The following RANBP2 variants were observed in gnomAD, a reference collection of about 807,000 sequenced individuals.
RANBP2 encodes the protein E3 SUMO-protein ligase RanBP2.
A neutral mutation model predicts 303.6 loss-of-function variants in RANBP2; 57 were observed. The observed-to-expected ratio is 0.19, with a 90% confidence interval of 0.15 to 0.23. The LOEUF (loss-of-function observed/expected upper bound fraction) is 0.23. Ranked by LOEUF, RANBP2 falls within the 10% of genes least tolerant of loss-of-function variation. RANBP2 has a pLI of 1.00. For missense variants in RANBP2, 3,138 were observed against 3,780.8 expected, an observed-to-expected ratio of 0.83 and a Z score of 4.46; for synonymous variants, 1,167 against 1,301.5, an observed-to-expected ratio of 0.90 and a Z score of 2.23.
At chr2:109,683,741 C>A in the RANBP2 span, among the ~76,000 whole-genome samples, 1 of 152,140 alleles carries the variant, frequency 6.6e-6, no homozygotes, top group East Asian at 1.9e-4. Flanking sequence ...CCAGGCCCGG[C>A]ACTCTCCACC....
the RANBP2 span, among the ~76,000 whole-genome samples, chr2:109,395,764 C>A: frequency 6.6e-6 from 1 of 152,218 alleles, no homozygotes; most frequent in Non-Finnish European, 1.5e-5. Context: ...GTGCTTCTGG[C>A]TGCTGTGTCT....
chr2:109,605,238 A>G, the RANBP2 span, among the ~76,000 whole-genome samples: 1 of 152,110 alleles, frequency 6.6e-6, no homozygotes, highest in African/African-American at 2.4e-5. Flanking sequence ...TACTAGTATG[A>G]TCAGGCAGAT....
At chr2:109,096,483 T>C in the RANBP2 span, among the ~76,000 whole-genome samples, 1 of 152,330 alleles carries the variant, frequency 6.6e-6, no homozygotes, top group Middle Eastern at 3.4e-3. Context: ...CACAGACAAT[T>C]GTTGTCCCAT....
chr2:109,317,129 A>G, the RANBP2 span, among the ~76,000 whole-genome samples: 1 of 152,088 alleles, frequency 6.6e-6, no homozygotes, highest in South Asian at 2.1e-4. Context: ...TGGGTTTCTC[A>G]TGAAATGTTT....
the RANBP2 span, among the ~76,000 whole-genome samples, chr2:109,036,299 C>T: frequency 6.6e-6 from 1 of 152,156 alleles, no homozygotes; most frequent in Admixed American, 6.5e-5. Flanking sequence ...CACACTCTAT[C>T]TCAGAAAGTA....
chr2:108,869,051 AT>A, the RANBP2 span, among the ~76,000 whole-genome samples: 3 of 151,480 alleles, frequency 2.0e-5, no homozygotes, highest in African/African-American at 4.8e-5. Flanking sequence ...CTTGAAGAAA[AT>A]TTTTTTTTCA....
At chr2:109,195,346 G>A in the RANBP2 span, among the ~76,000 whole-genome samples, 1 of 152,212 alleles carries the variant, frequency 6.6e-6, no homozygotes, top group Non-Finnish European at 1.5e-5. Context: ...GCCAGGACAA[G>A]GGGCAAGTGA....
At chr2:109,413,584 A>C in the RANBP2 span, among the ~76,000 whole-genome samples, 1 of 152,126 alleles carries the variant, frequency 6.6e-6, no homozygotes, top group African/African-American at 2.4e-5. Context: ...AATGGAGAAC[A>C]GCTTTGTCTA....
the RANBP2 span, among the ~76,000 whole-genome samples, chr2:109,474,710 T>C: frequency 3.9e-5 from 6 of 152,186 alleles, no homozygotes; most frequent in Non-Finnish European, 7.3e-5. Context: ...TCGCAGATAC[T>C]TCACCACCAT....
At chr2:108,811,243 C>A in the RANBP2 span, among the ~76,000 whole-genome samples, 1 of 28,700 alleles carries the variant, frequency 3.5e-5, no homozygotes. Context: ...TTCTTTCTCT[C>A]TCTCTTTTTT....
the RANBP2 span, among the ~76,000 whole-genome samples, chr2:109,093,761 A>G: frequency 2.6e-5 from 4 of 152,154 alleles, no homozygotes; most frequent in African/African-American, 4.8e-5. Context: ...TTTTCTTCTC[A>G]GTACACTGAA....
chr2:109,574,211 GGAAA>G, the RANBP2 span, among the ~76,000 whole-genome samples: 1 of 151,806 alleles, frequency 6.6e-6, no homozygotes, highest in Admixed American at 6.6e-5. Context: ...GACCAAGGAA[GGAAA>G]ATCACTTAAG....
chr2:108,893,948 C>T, the RANBP2 span, among the ~76,000 whole-genome samples: 66 of 152,220 alleles, frequency 4.3e-4, no homozygotes, highest in Middle Eastern at 3.4e-3. Flanking sequence ...GCCCTATTCC[C>T]CAATACATAT....
the RANBP2 span, chr2:109,613,672 G>C: frequency 4.9e-6 from 3 of 615,254 alleles, no homozygotes; most frequent in Non-Finnish European, 6.9e-6. Flanking sequence ...AGCACTGGGC[G>C]GGCGGGGCCG....
the RANBP2 span, among the ~76,000 whole-genome samples, chr2:109,147,347 A>G: frequency 3.9e-5 from 6 of 152,194 alleles, no homozygotes; most frequent in South Asian, 6.2e-4. Context: ...GGACGAGACT[A>G]TCTCTGCGCT....
At chr2:108,852,835 A>G in the RANBP2 span, among the ~76,000 whole-genome samples, 10 of 152,136 alleles carry the variant, frequency 6.6e-5, no homozygotes, top group African/African-American at 9.7e-5. Flanking sequence ...CTGTACAACA[A>G]ACTCCTATGA....
chr2:108,887,983 A>G, the RANBP2 span, among the ~76,000 whole-genome samples: 1 of 152,170 alleles, frequency 6.6e-6, no homozygotes, highest in African/African-American at 2.4e-5. Context: ...TTCTTCATTC[A>G]GTATGATGTT....
At chr2:109,765,040 A>G in the RANBP2 span, among the ~76,000 whole-genome samples, 1 of 119,534 alleles carries the variant, frequency 8.4e-6, no homozygotes, top group African/African-American at 3.8e-5. Flanking sequence ...ATTCCTCCAC[A>G]GCTTCATATA....
chr2:108,846,688 T>A, the RANBP2 span: 9 of 1,497,072 alleles, frequency 6.0e-6, no homozygotes, highest in Middle Eastern at 2.3e-4. Flanking sequence ...AAAAAAAAGA[T>A]ATATTCTGAA....
Sources: allele counts gnomAD v4.1 joint callset (sites outside exome capture counted in the v4.1 genomes callset), GRCh38; gene constraint gnomAD v4.1.1; transcripts MANE v1.5; gene names NCBI Gene and HGNC (gene_info 2026-07-23, HGNC 2026-07-21).